PRR16: variants seen among roughly 807,000 people sequenced by gnomAD.
The protein encoded by PRR16 is protein Largen.
Under a neutral mutation model 18.2 loss-of-function variants are expected in PRR16, and 6 were observed. The observed-to-expected ratio is 0.33, with a 90% CI of 0.18 to 0.65. The LOEUF (loss-of-function observed/expected upper bound fraction) is 0.65, where lower values mean the gene tolerates loss of function less well. Ranked by LOEUF, PRR16 falls within the 30% of genes least tolerant of loss-of-function variation. PRR16 has a pLI of 0.74. For missense variants in PRR16, 412 were observed against 376.6 expected (o/e 1.09, Z -0.78); for synonymous variants, 151 against 147.8 (o/e 1.02, Z -0.16).
intron 1 of PRR16, among the ~76,000 whole-genome samples, chr5:120,500,771 A>G (rs180818571): frequency 1.3e-5 from 2 of 152,316 alleles, no homozygotes; most frequent in East Asian, 1.9e-4. Flanking sequence ...AAAGGACATA[A>G]CATGTTTTAT....
chr5:120,541,572 C>T (rs1453490838), intron 1 of PRR16, among the ~76,000 whole-genome samples: 1 of 152,202 alleles, frequency 6.6e-6, no homozygotes, highest in Non-Finnish European at 1.5e-5. Flanking sequence ...CTTTCAAGAA[C>T]TAATGACAAG....
At chr5:120,621,832 A>G (rs753176958) in intron 1 of PRR16, among the ~76,000 whole-genome samples, 4 of 152,180 alleles carry the variant, frequency 2.6e-5, no homozygotes, top group Non-Finnish European at 5.9e-5. Context: ...GTGTAAGTCA[A>G]TTGAACCTCT....
intron 1 of PRR16, among the ~76,000 whole-genome samples, chr5:120,603,144 A>G (rs1194844966): frequency 1.3e-5 from 2 of 151,756 alleles, no homozygotes; most frequent in East Asian, 1.9e-4. Context: ...GTTGGAACCA[A>G]CTCTTCCTTG....
rs749698351 is a variant in PRR16, at chr5:120,685,984, G to A, written c.190G>A (p.Asp64Asn). 2.0e-5 allele frequency: 33 copies of A among 1,613,908 alleles called. No homozygotes were observed. The South Asian group carries it at 3.4e-4, about 17-fold the overall frequency. ...VVDQIDTLTS[D>N]LQLEDEMTDS... The stretch of plus-strand genomic sequence containing the variant: ...TGACCAGATTGACACCCTGACCTCT[G>A]ACCTACAGCTGGAGGATGAGATGAC... Residue 64 changes from aspartate (D) to asparagine (N), a missense_variant, in exon 2 of 2, where the codon GAC (aspartate) becomes AAC (asparagine). Coordinates refer to ENST00000407149, the MANE Select transcript of PRR16 (RefSeq NM_001300783.2).
chr5:120,490,067 C>T (rs1268700923), intron 1 of PRR16, among the ~76,000 whole-genome samples: 2 of 152,186 alleles, frequency 1.3e-5, no homozygotes, highest in African/African-American at 4.8e-5. Flanking sequence ...CGACCTTTCT[C>T]TCTGGCTGCC....
the PRR16 span, among the ~76,000 whole-genome samples, chr5:120,770,693 A>G: frequency 7.2e-4 from 109 of 152,100 alleles, no homozygotes; most frequent in Middle Eastern, 3.4e-3. Context: ...GTTGATTTAT[A>G]AAAAATATAG....
At chr5:120,725,399 T>C in the PRR16 span, among the ~76,000 whole-genome samples, 3 of 151,662 alleles carry the variant, frequency 2.0e-5, no homozygotes. Flanking sequence ...CTCACGTTTG[T>C]AATCCCAGTG....
chr5:120,663,471 A>G (rs1261747655), intron 1 of PRR16, among the ~76,000 whole-genome samples: 3 of 152,126 alleles, frequency 2.0e-5, no homozygotes, highest in African/African-American at 7.2e-5. Context: ...AAAAATTATA[A>G]GTCATTTTAT....
chr5:120,616,623 T>C (rs1359293436), intron 1 of PRR16, among the ~76,000 whole-genome samples: 1 of 152,196 alleles, frequency 6.6e-6, no homozygotes. Context: ...GTTGCGTGTT[T>C]ATATCCGTTT....
chr5:120,694,843 G>C, the PRR16 span, among the ~76,000 whole-genome samples: 1 of 152,136 alleles, frequency 6.6e-6, no homozygotes, highest in Non-Finnish European at 1.5e-5. Flanking sequence ...TAATACACTA[G>C]TCATCTTTAC....
intron 1 of PRR16, among the ~76,000 whole-genome samples, chr5:120,646,292 C>T (rs1294116011): frequency 1.3e-5 from 2 of 151,658 alleles, no homozygotes; most frequent in East Asian, 3.9e-4. Context: ...TCTGTTGTGA[C>T]ACCGTACTGG....
At chr5:120,664,778 A>C (rs62377793) in intron 1 of PRR16, among the ~76,000 whole-genome samples, 29,769 of 125,420 alleles carry the variant, frequency 0.24, 3,948 homozygotes, top group Middle Eastern at 0.39. Context: ...CCCTACAAAG[A>C]CATGAACTCA....
At chr5:120,481,313 CAG>C (rs1341507309) in intron 1 of PRR16, 2 of 436,082 alleles carry the variant, frequency 4.6e-6, no homozygotes, top group African/African-American at 4.1e-5. Flanking sequence ...GTATTTTTAG[CAG>C]AGACGGGGTT....
the PRR16 span, among the ~76,000 whole-genome samples, chr5:120,697,651 G>T: frequency 1.3e-5 from 2 of 152,092 alleles, no homozygotes; most frequent in East Asian, 3.9e-4. Context: ...GAGAGTCAGC[G>T]AAGGGAGATA....
the PRR16 span, among the ~76,000 whole-genome samples, chr5:120,731,558 C>G: frequency 1.3e-5 from 2 of 152,086 alleles, no homozygotes; most frequent in Non-Finnish European, 2.9e-5. Flanking sequence ...TTGTTTCCAC[C>G]CCTGAAAAGC....
intron 1 of PRR16, among the ~76,000 whole-genome samples, chr5:120,549,577 A>C (rs1336145500): frequency 6.6e-6 from 1 of 151,846 alleles, no homozygotes; most frequent in African/African-American, 2.4e-5. Context: ...CTATTTTTTC[A>C]TTGTCTGCAG....
chr5:120,497,321 T>C (rs1423382754), intron 1 of PRR16, among the ~76,000 whole-genome samples: 1 of 99,028 alleles, frequency 1.0e-5, no homozygotes, highest in Non-Finnish European at 2.2e-5. Flanking sequence ...TATAATTGTG[T>C]TTTTTTTTTC....
chr5:120,756,219 AT>A, the PRR16 span, among the ~76,000 whole-genome samples: 1 of 152,140 alleles, frequency 6.6e-6, no homozygotes, highest in Non-Finnish European at 1.5e-5. Flanking sequence ...GGTACTTTCC[AT>A]TTTTCATCTG....
At chr5:120,762,688 T>G in the PRR16 span, among the ~76,000 whole-genome samples, 1 of 152,264 alleles carries the variant, frequency 6.6e-6, no homozygotes, top group East Asian at 1.9e-4. Flanking sequence ...ATATTGTTCC[T>G]TGTCAGATGA....
Sources: gnomAD v4.1 joint callset for allele counts (sites outside exome capture counted in the v4.1 genomes callset) on GRCh38, gnomAD v4.1.1 for gene constraint, MANE v1.5 for transcripts, NCBI Gene and HGNC (gene_info 2026-07-23, HGNC 2026-07-21) for gene names.